VPS13B: variants seen among roughly 807,000 people sequenced by gnomAD.
VPS13B encodes intermembrane lipid transfer protein VPS13B.
VPS13B carries 285 observed loss-of-function variants against 426.4 expected under a neutral mutation model. The ratio of observed to expected loss-of-function variants is 0.67; its 90% CI spans 0.61 to 0.74. VPS13B has a LOEUF of 0.74. VPS13B is among the 30% of genes least tolerant of loss of function. The pLI is 0.00. For missense variants in VPS13B, 4,537 were observed against 4,782.6 expected (o/e 0.95, Z 1.51); for synonymous variants, 1,676 against 1,676.4 (o/e 1.00, Z 0.01).
chr8:99,026,884 TC>T (rs1301554127), intron 2 of VPS13B, among the ~76,000 whole-genome samples: 2 of 152,032 alleles, frequency 1.3e-5, no homozygotes, highest in Admixed American at 6.6e-5. Flanking sequence ...ATTTTTTTTT[TC>T]CCCCGCTCCG....
At chr8:99,728,923 C>G (rs1833472658) in intron 39 of VPS13B, among the ~76,000 whole-genome samples, 1 of 152,164 alleles carries the variant, frequency 6.6e-6, no homozygotes, top group Non-Finnish European at 1.5e-5. Flanking sequence ...TGCTTTTTCT[C>G]TTTTTCTTTC....
At chr8:99,745,167 C>T (rs1810018529) in intron 39 of VPS13B, among the ~76,000 whole-genome samples, 1 of 152,012 alleles carries the variant, frequency 6.6e-6, no homozygotes, top group African/African-American at 2.4e-5. Flanking sequence ...AAAATTACTT[C>T]TGTCATATAA....
chr8:99,594,703 C>G (rs554410302), intron 33 of VPS13B, among the ~76,000 whole-genome samples: 1 of 152,086 alleles, frequency 6.6e-6, no homozygotes, highest in South Asian at 2.1e-4. Context: ...ACACAGTTTG[C>G]TCCAGCAGCT....
chr8:99,644,037 G>C (rs1217725035), intron 34 of VPS13B, among the ~76,000 whole-genome samples: 2 of 152,176 alleles, frequency 1.3e-5, no homozygotes, highest in Non-Finnish European at 2.9e-5. Context: ...CTCAGCTACA[G>C]TCGCTCTATA....
intron 11 of VPS13B, among the ~76,000 whole-genome samples, chr8:99,136,266 T>G (rs2132558218): frequency 6.6e-6 from 1 of 152,254 alleles, no homozygotes; most frequent in African/African-American, 2.4e-5. Context: ...TAACATACAT[T>G]TAGAATATTT....
intron 17 of VPS13B, among the ~76,000 whole-genome samples, chr8:99,261,805 TGTA>T (rs1181047072): frequency 2.0e-5 from 3 of 152,152 alleles, no homozygotes. Context: ...GACAAAGACA[TGTA>T]GGAGAGATTG....
chr8:99,847,360 A>G (rs2130898662), intron 54 of VPS13B, among the ~76,000 whole-genome samples: 1 of 152,356 alleles, frequency 6.6e-6, no homozygotes, highest in South Asian at 2.1e-4. Context: ...TTGATCAAAT[A>G]GAAATATGGT....
intron 30 of VPS13B, chr8:99,536,734 A>G (rs1364841684): frequency 5.6e-6 from 3 of 533,844 alleles, no homozygotes; most frequent in Non-Finnish European, 1.2e-5. Flanking sequence ...TGTCTTTGGC[A>G]TTAAACGTAT....
At chr8:99,750,117 T>C (rs1376967954) in intron 39 of VPS13B, among the ~76,000 whole-genome samples, 1 of 152,202 alleles carries the variant, frequency 6.6e-6, no homozygotes, top group African/African-American at 2.4e-5. Flanking sequence ...TGAAATGGTT[T>C]ATATTTTATA....
At chr8:99,351,569 A>G (rs983337798) in intron 19 of VPS13B, among the ~76,000 whole-genome samples, 3 of 152,010 alleles carry the variant, frequency 2.0e-5, no homozygotes, top group Admixed American at 6.6e-5. Context: ...AGCTTTCTTG[A>G]CACAGATCAA....
chr8:99,428,232 G>A (rs1239175337), intron 21 of VPS13B, among the ~76,000 whole-genome samples: 3 of 152,170 alleles, frequency 2.0e-5, no homozygotes, highest in African/African-American at 4.8e-5. Context: ...CATGGGCAAG[G>A]TCTTTATGTC....
intron 25 of VPS13B, among the ~76,000 whole-genome samples, chr8:99,486,837 G>A (rs1338226257): frequency 1.3e-5 from 2 of 152,078 alleles, no homozygotes; most frequent in African/African-American, 2.4e-5. Context: ...TGACACCATA[G>A]TATTTGTCTT....
At chr8:99,685,065 G>A (rs2871953) in intron 35 of VPS13B, among the ~76,000 whole-genome samples, 1 of 152,128 alleles carries the variant, frequency 6.6e-6, no homozygotes, top group Non-Finnish European at 1.5e-5. Context: ...CCTACCAAAG[G>A]GCTGGGATTA....
At chr8:99,278,848 C>G (rs1435701424) in intron 19 of VPS13B, among the ~76,000 whole-genome samples, 1 of 152,220 alleles carries the variant, frequency 6.6e-6, no homozygotes, top group Non-Finnish European at 1.5e-5. Context: ...TCCTTGATTG[C>G]ATTCTGCACT....
chr8:99,112,750 C>G (rs976578096), intron 6 of VPS13B, among the ~76,000 whole-genome samples: 1 of 152,036 alleles, frequency 6.6e-6, no homozygotes, highest in East Asian at 1.9e-4. Context: ...ATAAAATACT[C>G]TTTTTGATCA....
intron 29 of VPS13B, among the ~76,000 whole-genome samples, chr8:99,517,880 A>C (rs1332347475): frequency 1.3e-5 from 2 of 152,034 alleles, no homozygotes; most frequent in Middle Eastern, 3.2e-3. Flanking sequence ...TAACTGAAGA[A>C]ATGACTCAAG....
intron 31 of VPS13B, among the ~76,000 whole-genome samples, chr8:99,559,459 T>C (rs753704883): frequency 6.6e-6 from 1 of 152,200 alleles, no homozygotes; most frequent in Non-Finnish European, 1.5e-5. Context: ...GCTTTTGGTG[T>C]TTTAGTCATG....
At chr8:99,779,758 A>C (rs1159191610) in intron 42 of VPS13B, among the ~76,000 whole-genome samples, 1 of 152,228 alleles carries the variant, frequency 6.6e-6, no homozygotes, top group Non-Finnish European at 1.5e-5. Flanking sequence ...TCAATGATTT[A>C]AGAACAAATC....
chr8:99,290,825 T>C (rs1819692871), intron 19 of VPS13B, among the ~76,000 whole-genome samples: 2 of 151,934 alleles, frequency 1.3e-5, no homozygotes, highest in South Asian at 2.1e-4. Context: ...AAGAAACAAT[T>C]GGTCAAGTTT....
Sources: allele counts gnomAD v4.1 joint callset (sites outside exome capture counted in the v4.1 genomes callset), GRCh38; gene constraint gnomAD v4.1.1; transcripts MANE v1.5; gene names NCBI Gene and HGNC (gene_info 2026-07-23, HGNC 2026-07-21).